AP3D1: variants seen among roughly 807,000 people sequenced by gnomAD.
The protein encoded by AP3D1 is AP-3 complex subunit delta-1.
Under a neutral mutation model 147.6 loss-of-function variants are expected in AP3D1, and 51 were observed. That is an observed-to-expected ratio of 0.35 (90% CI 0.28 to 0.44). The LOEUF (loss-of-function observed/expected upper bound fraction) is 0.44. Ranked by LOEUF, AP3D1 falls within the 20% of genes least tolerant of loss-of-function variation. AP3D1 has a pLI of 1.00. For synonymous variants in AP3D1, 760 were observed against 663.0 expected (o/e 1.15, Z -2.25); for missense variants, 1,421 against 1,624.2 (o/e 0.87, Z 2.15).
intron 1 of AP3D1, among the ~76,000 whole-genome samples, chr19:2,158,567 C>T (rs1001655402): frequency 7.9e-5 from 12 of 151,872 alleles, no homozygotes; most frequent in Admixed American, 6.6e-4. Flanking sequence ...CTTGGCCTCC[C>T]AAAGTGCTAG....
At chr19:2,144,462 C>T (rs948774376) in intron 1 of AP3D1, among the ~76,000 whole-genome samples, 17 of 152,178 alleles carry the variant, frequency 1.1e-4, no homozygotes, top group Non-Finnish European at 2.5e-4. Flanking sequence ...TAACACGCAA[C>T]AGGGCAGAAA....
rs1282356003 is a variant in AP3D1, at chr19:2,123,392, T to C, written c.921A>G (p.Lys307=). 6.2e-7 allele frequency: 1 copy of C among 1,614,002 alleles called. No individual in the cohort carries two copies. The highest frequency in any genetic ancestry group is 8.5e-7 in the Non-Finnish European group (1 of 1,180,000). ...HSASIQLCVQ[K]LRILIEDSDQ... ...CGGAGTCCTCGATCAATATCCTTAATTTCTGAACACAAAGCTGAAAAGAAG... is the reference window on the plus strand; with the variant it reads ...CGGAGTCCTCGATCAATATCCTTAACTTCTGAACACAAAGCTGAAAAGAAG... The change falls in exon 11 of 32, where the codon AAA becomes AAG. Residue 307 remains lysine (K), a synonymous_variant. Coordinates refer to ENST00000643116, the MANE Select transcript of AP3D1 (RefSeq NM_001261826.3).
rs1458263605 is a variant in AP3D1 at position 2,151,417 on chromosome 19, G to A, written c.-83C>T. On this transcript the variant is annotated 5_prime_UTR_variant, in exon 1 of 32. Coordinates refer to ENST00000643116, the MANE Select transcript of AP3D1 (RefSeq NM_001261826.3). ...CCCGGGGCCCGTGCCTGCCGCCCGC[G>A]GAGCGCCGCGCTGCCGGCCGCTGCG... 3.3e-6 allele frequency: 3 copies of A among 904,598 alleles called. No individual in the cohort carries two copies. The highest frequency in any genetic ancestry group is 4.2e-6 in the Non-Finnish European group (3 of 719,986). The allele number at this position is 904,598 out of a possible 1,614,324, so 56.0% of individuals were successfully genotyped here. A position where few individuals can be genotyped will look rare whatever the true frequency, so the allele number is the denominator to read the frequency against.
chr19:2,123,215 T>TGCCTCTGAGGCAGAGTGCC lies in AP3D1; in HGVS notation c.955+124_955+142dup, dbSNP rs1169863095. On this transcript the variant is annotated intron_variant, in intron 11 of 31. Transcript: ENST00000643116. The stretch of plus-strand genomic sequence containing the variant: ...GCGCCACAGGGCACTGGCAGAGGGC[T>TGCCTCTGAGGCAGAGTGCC]GCCTCTGAGGCAGAGTGCCATCCAT... 1.6e-5 allele frequency: 14 copies of TGCCTCTGAGGCAGAGTGCC among 855,216 alleles called. No individual in the cohort carries two copies. In the Admixed American group the frequency reaches 2.2e-4, roughly 14 times the overall value. 53.0% of individuals were successfully genotyped at this position (855,216 alleles called of 1,614,324 possible).
rs905665557 is a variant in AP3D1 at position 2,157,145 on chromosome 19, A to G, written c.-103+7211T>C. On this transcript the variant is annotated intron_variant, in intron 1 of 14. Transcript: ENST00000643010. ...ACCCACCCATCCACAACGTTTCTTG[A>G]AAAAAACAAACATCTGGCCGGGTGC... 8.6e-5 allele frequency among the ~76,000 whole-genome samples: 13 copies of G among 151,360 alleles called. No individual in the cohort carries two copies. In the South Asian group the frequency reaches 2.5e-3, roughly 29 times the overall value.
At position 2,121,167 on chromosome 19, in the gene AP3D1, C is replaced by G; in HGVS notation, c.1246G>C (p.Glu416Gln). The G allele has an allele frequency of 3.1e-6, 5 of 1,614,136 alleles. No individual in the cohort carries two copies. Among genetic ancestry groups the G allele is most frequent in the Non-Finnish European group, 4.2e-6 (5 of 1,180,006 alleles). ...ACCCCTGGGAGCGGGACGCACCACT[C>G]GAAGTTGGTGATGTACTGGTAGTTG... ...QSNYQYITNF[E>Q]WYISILVELT... Residue 416 changes from glutamate (E) to glutamine (Q), a missense_variant, in exon 13 of 32, where the codon GAG becomes CAG. Transcript: ENST00000643116.
chr19:2,155,371 C>A (rs560763992), upstream of AP3D1, among the ~76,000 whole-genome samples: 44 of 139,888 alleles, frequency 3.1e-4, no homozygotes, highest in Admixed American at 1.5e-3. Context: ...AAAAAAAAAA[C>A]CAAAAAAAAC....
At chr19:2,157,584 CCCA>C (rs2019658555) in intron 1 of AP3D1, among the ~76,000 whole-genome samples, 1 of 151,180 alleles carries the variant, frequency 6.6e-6, no homozygotes, top group East Asian at 2.0e-4. Context: ...CACCCATCCA[CCCA>C]CCGACTCATC....
intron 3 of AP3D1, among the ~76,000 whole-genome samples, chr19:2,137,459 G>A (rs536668889): frequency 1.3e-5 from 2 of 151,918 alleles, no homozygotes; most frequent in Non-Finnish European, 2.9e-5. Context: ...GATTATAGCC[G>A]CGTGCGCCAC....
intron 14 of AP3D1, among the ~76,000 whole-genome samples, chr19:2,119,699 C>CAA (rs954635585): frequency 0.015 from 375 of 24,324 alleles, 3 homozygotes; most frequent in Non-Finnish European, 0.017. Flanking sequence ...GACTCTGTCT[C>CAA]AAAAAAAAAA....
At chr19:2,107,203 T>C (rs1426732706) in intron 31 of AP3D1, among the ~76,000 whole-genome samples, 2 of 149,012 alleles carry the variant, frequency 1.3e-5, no homozygotes, top group Non-Finnish European at 3.0e-5. Context: ...GAGCTTGCAG[T>C]GAGCCGAGAC....
At chr19:2,132,000 G>A (rs907196707) in intron 5 of AP3D1, among the ~76,000 whole-genome samples, 5 of 152,234 alleles carry the variant, frequency 3.3e-5, no homozygotes, top group African/African-American at 1.2e-4. Flanking sequence ...ATGAGCTGGA[G>A]GTTAAGTCAG....
chr19:2,109,762 C>A (rs2018213335), intron 29 of AP3D1, 111 bp downstream of exon 29: 1 of 1,054,302 alleles, frequency 9.5e-7, no homozygotes, highest in Non-Finnish European at 1.4e-6. Context: ...GCCTCCAAAT[C>A]CGTCTCTAAA....
intron 1 of AP3D1, 65 bp downstream of exon 1, chr19:2,151,174 G>C (rs977347218): frequency 6.8e-6 from 10 of 1,475,032 alleles, no homozygotes; most frequent in Non-Finnish European, 9.3e-6. Flanking sequence ...GGCCCAGTGA[G>C]CAGGGCTGGG....
chr19:2,155,908 C>G (rs2019641412), upstream of AP3D1, among the ~76,000 whole-genome samples: 1 of 151,762 alleles, frequency 6.6e-6, no homozygotes, highest in African/African-American at 2.4e-5. Context: ...AAAAAATTAG[C>G]CCGGCTTGGT....
At chr19:2,123,472 C>G in intron 10 of AP3D1, 66 bp from the exon 11 acceptor site, 1 of 1,554,614 alleles carries the variant, frequency 6.4e-7, no homozygotes, top group Non-Finnish European at 8.8e-7. Flanking sequence ...CACAGGTACC[C>G]TCCAGATTCA....
chr19:2,107,321 G>C (rs942239666), intron 31 of AP3D1, among the ~76,000 whole-genome samples: 5 of 151,782 alleles, frequency 3.3e-5, no homozygotes, highest in Non-Finnish European at 5.9e-5. Context: ...ACGGAATGCT[G>C]AGTAGTGAAC....
chr19:2,138,846 G>C, intron 1 of AP3D1, 132 bp from the exon 2 acceptor site: 1 of 636,520 alleles, frequency 1.6e-6, no homozygotes, highest in Non-Finnish European at 2.9e-6. Flanking sequence ...CAGATCACGA[G>C]GTCGGGAGTT....
chr19:2,120,641 G>A (rs1218574729), intron 14 of AP3D1, among the ~76,000 whole-genome samples: 2 of 152,174 alleles, frequency 1.3e-5, no homozygotes, highest in East Asian at 1.9e-4. Context: ...ACAGATGCCC[G>A]AGGGCAGAGG....
Sources: allele counts gnomAD v4.1 joint callset (sites outside exome capture counted in the v4.1 genomes callset), GRCh38; gene constraint gnomAD v4.1.1; transcripts MANE v1.5; gene names NCBI Gene and HGNC (gene_info 2026-07-23, HGNC 2026-07-21).